The following RYR2 variants were observed in gnomAD, a reference collection of about 807,000 sequenced individuals.
RYR2 encodes the protein cardiac muscle ryanodine receptor-calcium release channel.
A neutral mutation model predicts 601.1 loss-of-function variants in RYR2; 227 were observed. That is an observed-to-expected ratio of 0.38 (90% CI 0.34 to 0.42). The LOEUF is 0.42. RYR2 is among the 10% of genes least tolerant of loss of function. The probability of loss-of-function intolerance (pLI) is 1.00; values close to 1 mark genes in which losing one functional copy is unlikely to be tolerated. For synonymous variants in RYR2, 2,223 were observed against 2,175.1 expected (o/e 1.02, Z -0.61); for missense variants, 4,646 against 6,156.5 (o/e 0.75, Z 8.21).
At chr1:237,152,656 T>G (rs942231891) in intron 1 of RYR2, among the ~76,000 whole-genome samples, 1 of 152,094 alleles carries the variant, frequency 6.6e-6, no homozygotes, top group African/African-American at 2.4e-5. Flanking sequence ...AAAAATTAAC[T>G]CAAGATGGAT....
intron 77 of RYR2, among the ~76,000 whole-genome samples, chr1:237,730,969 C>G (rs1027481209): frequency 1.3e-5 from 2 of 152,142 alleles, no homozygotes; most frequent in African/African-American, 4.8e-5. Context: ...CATCTCAAAA[C>G]TTGGCAGACT....
chr1:237,483,889 G>GA (rs1182935778), intron 17 of RYR2, among the ~76,000 whole-genome samples: 7 of 152,084 alleles, frequency 4.6e-5, no homozygotes, highest in Admixed American at 3.9e-4. Context: ...AGGTAGGAGG[G>GA]AAAAAAATCC....
chr1:237,151,271 T>C (rs1047305884), intron 1 of RYR2, among the ~76,000 whole-genome samples: 1 of 152,188 alleles, frequency 6.6e-6, no homozygotes, highest in Non-Finnish European at 1.5e-5. Flanking sequence ...CATTATTACT[T>C]ACTTGAAACA....
intron 3 of RYR2, among the ~76,000 whole-genome samples, chr1:237,346,998 G>A (rs1572677197): frequency 6.6e-6 from 1 of 152,208 alleles, no homozygotes; most frequent in Middle Eastern, 3.4e-3. Flanking sequence ...GAGGTCCTGT[G>A]AGTCTGTGAT....
chr1:237,748,837 GCTT>G (rs1692298770), intron 80 of RYR2, among the ~76,000 whole-genome samples: 1 of 152,174 alleles, frequency 6.6e-6, no homozygotes, highest in Non-Finnish European at 1.5e-5. Context: ...AAAAATATTT[GCTT>G]CTGTAGCCAA....
At chr1:237,762,784 G>A (rs758890872) in intron 84 of RYR2, among the ~76,000 whole-genome samples, 6 of 152,138 alleles carry the variant, frequency 3.9e-5, no homozygotes, top group Non-Finnish European at 8.8e-5. Flanking sequence ...AACACGTTTT[G>A]TATTATTTCC....
chr1:237,460,544 C>T (rs1223410666), intron 16 of RYR2, among the ~76,000 whole-genome samples: 1 of 152,216 alleles, frequency 6.6e-6, no homozygotes, highest in Admixed American at 6.5e-5. Flanking sequence ...CTTTTATTCA[C>T]TACCTAGCAC....
At chr1:237,520,363 A>G (rs1340394293) in intron 24 of RYR2, among the ~76,000 whole-genome samples, 1 of 152,166 alleles carries the variant, frequency 6.6e-6, no homozygotes, top group African/African-American at 2.4e-5. Context: ...TGGTAAAAGT[A>G]AATATCCTTG....
chr1:237,570,953 T>C (rs920730405), intron 29 of RYR2, among the ~76,000 whole-genome samples: 1 of 152,042 alleles, frequency 6.6e-6, no homozygotes, highest in African/African-American at 2.4e-5. Context: ...ATAGCAAGAC[T>C]CTGTTTCTAC....
chr1:237,060,922 A>G (rs1442827853), intron 1 of RYR2, among the ~76,000 whole-genome samples: 1 of 152,252 alleles, frequency 6.6e-6, no homozygotes, highest in Non-Finnish European at 1.5e-5. Flanking sequence ...TATACCTATG[A>G]GTAGAATTGC....
In RYR2 at chr1:237,498,088, A is replaced by G. The variant is rs144953522; in HGVS notation, c.2203+1336A>G. Among the ~76,000 whole-genome samples the G allele has an allele frequency of 2.7e-3, 412 of 152,146 alleles. 2 individuals are homozygous for G. Among genetic ancestry groups the G allele is most frequent in the Non-Finnish European group, 4.8e-3 (324 of 68,016 alleles). On this transcript the variant is annotated intron_variant, in intron 20 of 104. Transcript: ENST00000366574. ...ACCATGCTGGCCAGGCTCATCTTGA[A>G]TTCCTGGTCTCAAGTGATCTGCCTG...
chr1:237,677,939 G>T (rs1685544127), intron 60 of RYR2, 109 bp from the exon 61 acceptor site: 2 of 719,804 alleles, frequency 2.8e-6, no homozygotes, highest in Non-Finnish European at 4.9e-6. Flanking sequence ...TTTACATTCA[G>T]TTTAGCGGGA....
At chr1:237,669,547 G>T (rs1399277604) in intron 58 of RYR2, among the ~76,000 whole-genome samples, 1 of 151,492 alleles carries the variant, frequency 6.6e-6, no homozygotes, top group African/African-American at 2.4e-5. Flanking sequence ...CGGCTGCCGG[G>T]CGGAGGGGCT....
chr1:237,567,965 G>C (rs1037141485), intron 28 of RYR2, among the ~76,000 whole-genome samples: 1 of 148,806 alleles, frequency 6.7e-6, no homozygotes, highest in African/African-American at 2.4e-5. Flanking sequence ...ACACTTTTTT[G>C]GGGGGTTGGG....
intron 23 of RYR2, among the ~76,000 whole-genome samples, chr1:237,508,356 T>G (rs2150524863): frequency 6.6e-6 from 1 of 151,908 alleles, no homozygotes; most frequent in East Asian, 1.9e-4. Flanking sequence ...TACAAATGTG[T>G]AAGTAATCAA....
chr1:237,482,150 C>G (rs991826687), intron 17 of RYR2, among the ~76,000 whole-genome samples: 2 of 152,090 alleles, frequency 1.3e-5, no homozygotes, highest in African/African-American at 4.8e-5. Flanking sequence ...AATGGGTTAT[C>G]CATCCCCTTT....
chr1:237,278,243 G>GTTT (rs1423510257), intron 2 of RYR2, among the ~76,000 whole-genome samples: 3 of 57,130 alleles, frequency 5.3e-5, no homozygotes, highest in East Asian at 4.3e-4. Context: ...GCTAATTTTT[G>GTTT]TATTTTTTTT....
At chr1:237,255,104 A>G (rs1687828168) in intron 1 of RYR2, among the ~76,000 whole-genome samples, 2 of 152,198 alleles carry the variant, frequency 1.3e-5, no homozygotes, top group South Asian at 4.1e-4. Flanking sequence ...GCAATCTTCA[A>G]TGCCAACTGG....
At chr1:237,736,259 G>C (rs1360123858) in intron 79 of RYR2, among the ~76,000 whole-genome samples, 3 of 152,028 alleles carry the variant, frequency 2.0e-5, no homozygotes, top group Non-Finnish European at 4.4e-5. Flanking sequence ...TCAGGAGTTT[G>C]AGAGCAGCCT....
Sources: allele counts gnomAD v4.1 joint callset (sites outside exome capture counted in the v4.1 genomes callset), GRCh38; gene constraint gnomAD v4.1.1; transcripts MANE v1.5; gene names NCBI Gene and HGNC (gene_info 2026-07-23, HGNC 2026-07-21).